SNTG2: variants seen among roughly 807,000 people sequenced by gnomAD.
The protein encoded by SNTG2 is syntrophin gamma 2, also known as gamma-2-syntrophin.
A neutral mutation model predicts 70.9 loss-of-function variants in SNTG2; 74 were observed. The observed-to-expected ratio is 1.04, with a 90% CI of 0.86 to 1.27. The LOEUF (loss-of-function observed/expected upper bound fraction) is 1.27. Among genes scored for constraint, SNTG2 ranks in the 50% most tolerant of loss-of-function variants. SNTG2 has a pLI of 0.00. For synonymous variants in SNTG2, 278 were observed against 273.8 expected (o/e 1.02, Z -0.15); for missense variants, 717 against 690.7 (o/e 1.04, Z -0.43).
chr2:983,339 AGTCGGGATGAAGAAGTTGCAGAGGTGGAG>A (rs1161725430), intron 1 of SNTG2, among the ~76,000 whole-genome samples: 1 of 95,052 alleles, frequency 1.1e-5, no homozygotes, highest in East Asian at 2.2e-4. Context: ...CAGAGGTGGA[AGTCGGGATGAAGAAGTTGCAGAGGTGGAG>A]GTCGGGATGA....
chr2:1,102,547 A>T, intron 4 of SNTG2: 1 of 152,176 alleles, frequency 6.6e-6, no homozygotes, highest in East Asian at 1.9e-4. Flanking sequence ...CCTCAGCACC[A>T]GGGGGGCTGA....
chr2:1,070,338 A>G (rs1663836454), intron 1 of SNTG2, among the ~76,000 whole-genome samples: 1 of 152,134 alleles, frequency 6.6e-6, no homozygotes, highest in Non-Finnish European at 1.5e-5. Flanking sequence ...TTCAGATGCC[A>G]TCACGTCACC....
chr2:1,175,635 A>G (rs1431743937), intron 8 of SNTG2, among the ~76,000 whole-genome samples: 1 of 152,172 alleles, frequency 6.6e-6, no homozygotes, highest in Non-Finnish European at 1.5e-5. Context: ...GTCTTTTTAA[A>G]ATTAATTTTA....
intron 9 of SNTG2, among the ~76,000 whole-genome samples, chr2:1,215,584 T>C (rs1334507268): frequency 1.3e-5 from 2 of 152,044 alleles, no homozygotes; most frequent in African/African-American, 2.4e-5. Flanking sequence ...CTTTAAGTTC[T>C]AGGGTACACG....
At chr2:1,053,267 C>T (rs543358374) in intron 1 of SNTG2, among the ~76,000 whole-genome samples, 42 of 152,082 alleles carry the variant, frequency 2.8e-4, no homozygotes, top group African/African-American at 9.9e-4. Context: ...TTTTTAATTC[C>T]TGAGTTTTTC....
Position 1,097,999 on chromosome 2 carries a change from C to T in SNTG2, c.211-197C>T, listed in dbSNP as rs549987796. Among the ~76,000 whole-genome samples, 1 of 152,186 alleles carries T rather than the reference C, an allele frequency of 6.6e-6. No homozygotes were observed. The highest frequency in any genetic ancestry group is 6.5e-5 in the Admixed American group (1 of 15,298). On this transcript the variant is annotated intron_variant, in intron 2 of 16. Coordinates refer to ENST00000308624, the MANE Select transcript of SNTG2 (RefSeq NM_018968.4). The surrounding 1 kb of genome is among the most constrained non-coding windows in gnomAD (Gnocchi z 4.1). ...GCCTGGAATGGGGCCTATTCTTTAT[C>T]ACTGTCTTCGTTTTCATACGTGCAA...
chr2:1,084,021 A>G (rs1327654232), intron 2 of SNTG2, among the ~76,000 whole-genome samples: 7 of 152,040 alleles, frequency 4.6e-5, no homozygotes, highest in Non-Finnish European at 1.0e-4. Context: ...AGCCTGGGCA[A>G]TAGAGCGAGG....
intron 14 of SNTG2, among the ~76,000 whole-genome samples, chr2:1,293,806 G>A (rs1337444414): frequency 1.3e-5 from 2 of 152,208 alleles, no homozygotes; most frequent in African/African-American, 4.8e-5. Flanking sequence ...ATCTACATGG[G>A]AGAAGTGACC....
chr2:1,178,453 T>C (rs1024685305), intron 8 of SNTG2, among the ~76,000 whole-genome samples: 4 of 152,182 alleles, frequency 2.6e-5, no homozygotes, highest in Non-Finnish European at 5.9e-5. Context: ...CATAGATAGC[T>C]CTTATTATTT....
At chr2:1,130,768 T>TAG (rs1667965675) in intron 4 of SNTG2, among the ~76,000 whole-genome samples, 1 of 152,210 alleles carries the variant, frequency 6.6e-6, no homozygotes, top group Non-Finnish European at 1.5e-5. Flanking sequence ...AAACTCTGTG[T>TAG]AGAGAAGCAT....
intron 2 of SNTG2, among the ~76,000 whole-genome samples, chr2:1,088,906 T>G (rs1331151359): frequency 2.0e-5 from 3 of 152,216 alleles, no homozygotes; most frequent in African/African-American, 7.2e-5. Flanking sequence ...AAGATTTGTC[T>G]CCACAGCGGA....
chr2:1,327,449 G>A (rs571004349), intron 16 of SNTG2, among the ~76,000 whole-genome samples: 3 of 152,230 alleles, frequency 2.0e-5, no homozygotes, highest in East Asian at 1.9e-4. Context: ...TAAGGGTACA[G>A]TTACCAAAAA....
At chr2:952,048 G>A (rs1198020922) in intron 1 of SNTG2, among the ~76,000 whole-genome samples, 3 of 152,188 alleles carry the variant, frequency 2.0e-5, no homozygotes, top group Non-Finnish European at 4.4e-5. Context: ...ATGTTAAAAA[G>A]ATTTCTATGT....
rs1014318931 is a variant in SNTG2 at position 1,081,323 on chromosome 2, C to T, written c.73-2195C>T. ...GATATCCTCACAGGTGTGGTGAGAACGCACATCAAAGTCAGGCAGGGAGCT... is the reference window on the plus strand; with the variant it reads ...GATATCCTCACAGGTGTGGTGAGAATGCACATCAAAGTCAGGCAGGGAGCT... On this transcript the variant is annotated intron_variant, in intron 1 of 16. Coordinates refer to ENST00000308624, the MANE Select transcript of SNTG2 (RefSeq NM_018968.4). 6.6e-5 allele frequency among the ~76,000 whole-genome samples: 10 copies of T among 152,290 alleles called. 1 individual carries two copies. In the South Asian group the frequency reaches 1.0e-3, roughly 16 times the overall value.
chr2:1,092,746 T>A (rs1665113886), intron 2 of SNTG2, among the ~76,000 whole-genome samples: 1 of 152,218 alleles, frequency 6.6e-6, no homozygotes, highest in Admixed American at 6.5e-5. Flanking sequence ...GAGAAATGTA[T>A]AATTGATAAG....
intron 1 of SNTG2, among the ~76,000 whole-genome samples, chr2:965,181 C>A: frequency 8.0e-6 from 1 of 124,268 alleles, no homozygotes; most frequent in Non-Finnish European, 1.7e-5. Flanking sequence ...CCCAATCCTC[C>A]TCCTGGTCCC....
At chr2:1,268,123 G>T (rs1016911643) in intron 14 of SNTG2, among the ~76,000 whole-genome samples, 2 of 152,196 alleles carry the variant, frequency 1.3e-5, no homozygotes, top group African/African-American at 4.8e-5. Context: ...GGATGAGGAA[G>T]AATGCATTAT....
intron 11 of SNTG2, among the ~76,000 whole-genome samples, chr2:1,243,369 C>T (rs1454955471): frequency 6.6e-6 from 1 of 152,186 alleles, no homozygotes; most frequent in African/African-American, 2.4e-5. Flanking sequence ...GGTCTGGGTG[C>T]TCGGATTCCA....
intron 1 of SNTG2, among the ~76,000 whole-genome samples, chr2:1,066,818 TTG>T (rs1467918434): frequency 6.6e-6 from 1 of 152,096 alleles, no homozygotes; most frequent in Admixed American, 6.5e-5. Flanking sequence ...ACGGTCGTCT[TTG>T]AGTTCTTCAG....
Sources: allele counts gnomAD v4.1 joint callset (sites outside exome capture counted in the v4.1 genomes callset), GRCh38; gene constraint gnomAD v4.1.1; non-coding constraint Gnocchi (gnomAD v3.1); transcripts MANE v1.5; gene names NCBI Gene and HGNC (gene_info 2026-07-23, HGNC 2026-07-21).